Variants in ROBO1 observed in about 807,000 individuals in gnomAD.
The protein encoded by ROBO1 is roundabout guidance receptor 1.
Under a neutral mutation model 195.9 loss-of-function variants are expected in ROBO1, and 149 were observed. That is an observed-to-expected ratio of 0.76 (90% CI 0.67 to 0.87). The LOEUF is 0.87. Ranked by LOEUF, ROBO1 falls within the 40% of genes least tolerant of loss-of-function variation. The probability of loss-of-function intolerance (pLI) is 0.00; values close to 1 mark genes in which losing one functional copy is unlikely to be tolerated. For missense variants in ROBO1, 1,933 were observed against 2,068.3 expected (o/e 0.93, Z 1.27); for synonymous variants, 816 against 733.2 (o/e 1.11, Z -1.82).
intron 2 of ROBO1, among the ~76,000 whole-genome samples, chr3:79,309,924 CAA>C (rs1449439036): frequency 1.3e-5 from 2 of 152,086 alleles, no homozygotes; most frequent in Non-Finnish European, 2.9e-5. Context: ...AATTTAGATA[CAA>C]CTCTGAATCA....
At chr3:78,650,064 T>C (rs1279204607) in intron 19 of ROBO1, among the ~76,000 whole-genome samples, 1 of 152,140 alleles carries the variant, frequency 6.6e-6, no homozygotes, top group Non-Finnish European at 1.5e-5. Flanking sequence ...TCCACATCTA[T>C]ATGTTAATTA....
chr3:79,685,428 C>A (rs2107016251), intron 1 of ROBO1, among the ~76,000 whole-genome samples: 1 of 152,218 alleles, frequency 6.6e-6, no homozygotes, highest in Admixed American at 6.5e-5. Flanking sequence ...ATCTGAAAAA[C>A]CCAGCTTTTG....
At chr3:79,062,299 TA>T (rs2078933607) in intron 3 of ROBO1, among the ~76,000 whole-genome samples, 1 of 152,136 alleles carries the variant, frequency 6.6e-6, no homozygotes, top group South Asian at 2.1e-4. Context: ...CAAAATGAGA[TA>T]CCTTCTCACT....
intron 3 of ROBO1, among the ~76,000 whole-genome samples, chr3:79,027,191 A>C (rs2108292339): frequency 6.6e-6 from 1 of 152,194 alleles, no homozygotes; most frequent in South Asian, 2.1e-4. Context: ...GGCAAGAAGT[A>C]CTATGTTCAT....
intron 4 of ROBO1, among the ~76,000 whole-genome samples, chr3:78,822,110 A>G (rs1357725092): frequency 1.3e-5 from 2 of 151,796 alleles, no homozygotes; most frequent in Admixed American, 6.6e-5. Flanking sequence ...ACACACACAC[A>G]CACACACACA....
chr3:79,313,061 C>T (rs1290281496), intron 2 of ROBO1, among the ~76,000 whole-genome samples: 1 of 151,602 alleles, frequency 6.6e-6, no homozygotes, highest in East Asian at 1.9e-4. Context: ...GTGGTGGGCA[C>T]CTGTAGTCCC....
intron 3 of ROBO1, among the ~76,000 whole-genome samples, chr3:79,095,700 A>T (rs2079554332): frequency 6.6e-6 from 1 of 152,044 alleles, no homozygotes; most frequent in East Asian, 1.9e-4. Flanking sequence ...GCAATAGAAA[A>T]CTAATGTACT....
Position 79,357,335 on chromosome 3 carries a change from GC to G in ROBO1, c.89-231797del, listed in dbSNP as rs1006986420. 2.2e-4 allele frequency among the ~76,000 whole-genome samples: 34 copies of G among 152,200 alleles called. No homozygotes were observed. The South Asian group carries it at 2.9e-3, about 13-fold the overall frequency. On this transcript the variant is annotated intron_variant, in intron 2 of 30. Transcript: ENST00000464233. ...AGAGGCTTCTCTATATATTTAAGGGGCAAAAACCTGTTAGATGTCCATCCCA... is the reference window on the plus strand; with the variant it reads ...AGAGGCTTCTCTATATATTTAAGGGGAAAAACCTGTTAGATGTCCATCCCA...
rs555178652 is a variant in ROBO1, at chr3:79,141,064, A to T, written c.89-15525T>A. Reference sequence around the variant, plus strand: ...GATTTCTTCACTGTTAGGATGAAACATTTTTTTTCCTTGCCCAGTGATATT... The same window carrying T: ...GATTTCTTCACTGTTAGGATGAAACTTTTTTTTTCCTTGCCCAGTGATATT... On this transcript the variant is annotated intron_variant, in intron 2 of 30. Transcript: ENST00000464233. 2.6e-5 allele frequency among the ~76,000 whole-genome samples: 4 copies of T among 152,052 alleles called. No homozygotes were observed. In the South Asian group the frequency reaches 8.3e-4, roughly 32 times the overall value.
chr3:79,450,068 G>A (rs560334530), intron 2 of ROBO1, among the ~76,000 whole-genome samples: 2 of 150,208 alleles, frequency 1.3e-5, no homozygotes, highest in African/African-American at 2.5e-5. Context: ...TCAAGATTCA[G>A]CTTCTGACCC....
At chr3:78,912,388 C>G (rs1311372882) in intron 4 of ROBO1, among the ~76,000 whole-genome samples, 1 of 152,038 alleles carries the variant, frequency 6.6e-6, no homozygotes, top group Non-Finnish European at 1.5e-5. Flanking sequence ...GTCTCCACTC[C>G]GTGAAGACAG....
At chr3:79,510,130 G>T (rs1240111160) in intron 2 of ROBO1, among the ~76,000 whole-genome samples, 1 of 152,120 alleles carries the variant, frequency 6.6e-6, no homozygotes, top group African/African-American at 2.4e-5. Flanking sequence ...GACATGGTTT[G>T]GCTGTGTCCC....
chr3:79,282,113 T>C (rs1459223023), intron 2 of ROBO1, among the ~76,000 whole-genome samples: 2 of 152,140 alleles, frequency 1.3e-5, no homozygotes, highest in Non-Finnish European at 2.9e-5. Context: ...TAAAATGTGG[T>C]ACATGCTACG....
At chr3:79,463,200 C>T (rs1448566631) in intron 2 of ROBO1, among the ~76,000 whole-genome samples, 2 of 151,872 alleles carry the variant, frequency 1.3e-5, no homozygotes, top group South Asian at 2.1e-4. Flanking sequence ...GGTGAAACCC[C>T]GTCTCTACTA....
intron 3 of ROBO1, among the ~76,000 whole-genome samples, chr3:79,066,962 A>G (rs2079013282): frequency 1.3e-5 from 2 of 151,958 alleles, no homozygotes; most frequent in South Asian, 2.1e-4. Context: ...TAACAACTAT[A>G]AAGTCTTCAT....
At chr3:78,722,147 A>G (rs929891398) in intron 5 of ROBO1, among the ~76,000 whole-genome samples, 1 of 152,128 alleles carries the variant, frequency 6.6e-6, no homozygotes, top group Non-Finnish European at 1.5e-5. Context: ...TATCAGACCT[A>G]TTCTTTGGGA....
At chr3:79,122,093 A>G (rs1256338579) in intron 3 of ROBO1, among the ~76,000 whole-genome samples, 1 of 152,014 alleles carries the variant, frequency 6.6e-6, no homozygotes, top group African/African-American at 2.4e-5. Flanking sequence ...TGTTCCTTTC[A>G]AAAGCCTCTT....
intron 2 of ROBO1, among the ~76,000 whole-genome samples, chr3:79,457,346 T>C (rs2039648882): frequency 6.6e-6 from 1 of 152,114 alleles, no homozygotes; most frequent in Non-Finnish European, 1.5e-5. Context: ...ATATTATCTG[T>C]ATGAGGGGTA....
chr3:79,649,416 T>A (rs1945933524), intron 1 of ROBO1, among the ~76,000 whole-genome samples: 1 of 152,078 alleles, frequency 6.6e-6, no homozygotes, highest in African/African-American at 2.4e-5. Flanking sequence ...TAATAAAGAC[T>A]TCCCATTTAT....
Sources: gnomAD v4.1 joint callset for allele counts (sites outside exome capture counted in the v4.1 genomes callset) on GRCh38, gnomAD v4.1.1 for gene constraint, MANE v1.5 for transcripts, NCBI Gene and HGNC (gene_info 2026-07-23, HGNC 2026-07-21) for gene names.